Variants in LARGE1 observed in about 807,000 individuals in gnomAD.
LARGE1 encodes the protein LARGE xylosyl- and glucuronyltransferase 1.
LARGE1 carries 43 observed loss-of-function variants against 87.6 expected under a neutral mutation model. That is an observed-to-expected ratio of 0.49 (90% confidence interval 0.38 to 0.63). LARGE1 has a LOEUF of 0.63. Among genes scored for constraint, LARGE1 ranks in the 30% least tolerant of loss-of-function variants. The pLI is 0.00. For missense variants in LARGE1, 802 were observed against 1,000.2 expected, an observed-to-expected ratio of 0.80 and a Z score of 2.67; for synonymous variants, 434 against 394.6, an observed-to-expected ratio of 1.10 and a Z score of -1.18.
the LARGE1 span, among the ~76,000 whole-genome samples, chr22:33,137,795 G>C: frequency 1.3e-5 from 2 of 152,218 alleles, no homozygotes; most frequent in Non-Finnish European, 2.9e-5. Context: ...TTGAGCCTGT[G>C]GGTGCAAAGA....
chr22:33,843,407 A>G (rs2146434785), intron 1 of LARGE1, among the ~76,000 whole-genome samples: 1 of 151,802 alleles, frequency 6.6e-6, no homozygotes, highest in Non-Finnish European at 1.5e-5. Context: ...ACTGCACTCT[A>G]GCCTGAGGGA....
the LARGE1 span, among the ~76,000 whole-genome samples, chr22:33,122,189 C>T: frequency 6.6e-6 from 1 of 152,082 alleles, no homozygotes; most frequent in Non-Finnish European, 1.5e-5. Context: ...TTCATGCCTT[C>T]TATTAAATGA....
At chr22:33,654,389 G>A (rs1239453643) in intron 2 of LARGE1, among the ~76,000 whole-genome samples, 1 of 152,168 alleles carries the variant, frequency 6.6e-6, no homozygotes, top group Non-Finnish European at 1.5e-5. Context: ...CTGGAGATGT[G>A]CTCCGAGTCC....
intron 1 of LARGE1, among the ~76,000 whole-genome samples, chr22:33,843,756 T>C (rs915688809): frequency 1.3e-5 from 2 of 152,024 alleles, no homozygotes; most frequent in East Asian, 1.9e-4. Context: ...CGTAAGAGAA[T>C]ATATGTGCAA....
intron 5 of LARGE1, among the ~76,000 whole-genome samples, chr22:33,576,657 A>ATACATACCC (rs2078360946): frequency 6.6e-6 from 1 of 152,174 alleles, no homozygotes; most frequent in African/African-American, 2.4e-5. Context: ...ATGTGTGTGT[A>ATACATACCC]TACATACCCT....
At chr22:33,432,908 G>A (rs931775635) in intron 6 of LARGE1, among the ~76,000 whole-genome samples, 2 of 152,108 alleles carry the variant, frequency 1.3e-5, no homozygotes, top group Non-Finnish European at 2.9e-5. Flanking sequence ...ATCAATACAA[G>A]AGTGTTGTCT....
intron 1 of LARGE1, among the ~76,000 whole-genome samples, chr22:33,830,452 T>C (rs1894429): frequency 0.65 from 98,465 of 152,002 alleles, 32,437 homozygotes; most frequent in African/African-American, 0.79. Flanking sequence ...GGTTCAAAGC[T>C]GACTCTTGTG....
chr22:33,491,311 A>G (rs1381581456), intron 6 of LARGE1, among the ~76,000 whole-genome samples: 7 of 152,198 alleles, frequency 4.6e-5, no homozygotes, highest in Non-Finnish European at 5.9e-5. Flanking sequence ...CAATGCAAGA[A>G]TTTTTATGTA....
intron 1 of LARGE1, among the ~76,000 whole-genome samples, chr22:33,874,499 A>G (rs1027779308): frequency 1.2e-4 from 18 of 152,242 alleles, no homozygotes; most frequent in South Asian, 6.2e-4. Flanking sequence ...AACTGCAGCT[A>G]TGTTTATTAT....
intron 6 of LARGE1, among the ~76,000 whole-genome samples, chr22:33,549,733 C>T (rs1436177440): frequency 7.9e-5 from 12 of 152,124 alleles, no homozygotes; most frequent in Admixed American, 5.2e-4. Flanking sequence ...GCACATGGAT[C>T]GTGGACTATG....
chr22:33,769,864 G>A (rs2145804506), intron 1 of LARGE1, among the ~76,000 whole-genome samples: 1 of 152,264 alleles, frequency 6.6e-6, no homozygotes, highest in Non-Finnish European at 1.5e-5. Flanking sequence ...TCTCTCTAAT[G>A]AAGACCCCTG....
At chr22:33,320,452 C>T in intron 10 of LARGE1, among the ~76,000 whole-genome samples, 1 of 152,220 alleles carries the variant, frequency 6.6e-6, no homozygotes, top group East Asian at 1.9e-4. Context: ...GCTCCAAGAG[C>T]ACTCAGTTCG....
At chr22:33,921,190 C>G (rs927520155), upstream of LARGE1, among the ~76,000 whole-genome samples, 4 of 152,052 alleles carry the variant, frequency 2.6e-5, no homozygotes, top group African/African-American at 9.7e-5. This position sits in a 1 kb window ranked among gnomAD's most constrained non-coding sequence, Gnocchi z 4.1. Flanking sequence ...GCTCCGCCCC[C>G]CGGCGAGACT....
chr22:33,432,173 C>T lies in LARGE1; in HGVS notation c.880G>A (p.Gly294Ser). 1 of 1,613,946 alleles carries T rather than the reference C, an allele frequency of 6.2e-7. No individual in the cohort carries two copies. The highest frequency in any genetic ancestry group is 8.5e-7 in the Non-Finnish European group (1 of 1,179,806). The change falls in exon 7 of 15, where the codon GGC becomes AGC. Residue 294 changes from glycine (G) to serine (S), a missense_variant. Transcript: ENST00000397394. ...CCTGAGGATTTACCTGTGTTGTAGC[C>T]TCTTCCAAGGGCTGGCCATGGGCGG... ...NHRPWPALGR[G>S]YNTGVILLLL... is the part of the protein sequence containing the mutation.
chr22:33,826,531 T>C (rs181356882), intron 1 of LARGE1, among the ~76,000 whole-genome samples: 33 of 152,040 alleles, frequency 2.2e-4, no homozygotes, highest in Middle Eastern at 3.4e-3. Context: ...TTAGTAGAGA[T>C]AGAATTTCAC....
chr22:33,681,613 A>G (rs1461159146), intron 2 of LARGE1, among the ~76,000 whole-genome samples: 1 of 152,226 alleles, frequency 6.6e-6, no homozygotes, highest in Admixed American at 6.5e-5. Context: ...ACTATTAAAG[A>G]TCACCATCAT....
At chr22:33,808,494 G>A (rs1287201023) in intron 1 of LARGE1, among the ~76,000 whole-genome samples, 3 of 152,150 alleles carry the variant, frequency 2.0e-5, no homozygotes, top group East Asian at 1.9e-4. Flanking sequence ...ATAGGTTGGG[G>A]GAAATCCAGA....
At chr22:33,905,608 A>AAG (rs2065422728) in intron 1 of LARGE1, among the ~76,000 whole-genome samples, 1 of 152,262 alleles carries the variant, frequency 6.6e-6, no homozygotes, top group African/African-American at 2.4e-5. Flanking sequence ...ATGTTATATT[A>AAG]TTCTCTCACA....
At chr22:33,681,743 G>C (rs1240595094) in intron 2 of LARGE1, among the ~76,000 whole-genome samples, 1 of 152,148 alleles carries the variant, frequency 6.6e-6, no homozygotes, top group Non-Finnish European at 1.5e-5. Flanking sequence ...TGGGGTTTCT[G>C]TGTTTTCTAA....
Sources: allele counts gnomAD v4.1 joint callset (sites outside exome capture counted in the v4.1 genomes callset), GRCh38; gene constraint gnomAD v4.1.1; non-coding constraint Gnocchi (gnomAD v3.1); transcripts MANE v1.5; gene names NCBI Gene and HGNC (gene_info 2026-07-23, HGNC 2026-07-21).